CADM2: variants seen among roughly 807,000 people sequenced by gnomAD.
CADM2 encodes immunoglobulin superfamily member 4D.
In CADM2, 12 loss-of-function variants were observed where a neutral mutation model predicts 49.8. That is an observed-to-expected ratio of 0.24 (90% confidence interval 0.15 to 0.39). The LOEUF (loss-of-function observed/expected upper bound fraction) is 0.39, where lower values mean the gene tolerates loss of function less well. Ranked by LOEUF, CADM2 falls within the 10% of genes least tolerant of loss-of-function variation. CADM2 has a pLI of 1.00. For missense variants in CADM2, 378 were observed against 492.3 expected, an observed-to-expected ratio of 0.77 and a Z score of 2.20; for synonymous variants, 214 against 175.4, an observed-to-expected ratio of 1.22 and a Z score of -1.74.
At chr3:85,428,273 C>A (rs2036504490) in intron 1 of CADM2, among the ~76,000 whole-genome samples, 1 of 146,654 alleles carries the variant, frequency 6.8e-6, no homozygotes, top group African/African-American at 2.5e-5. Flanking sequence ...TCAATAATAG[C>A]TAAACTACAT....
intron 1 of CADM2, among the ~76,000 whole-genome samples, chr3:85,014,583 C>T (rs1275817203): frequency 2.6e-5 from 4 of 152,120 alleles, no homozygotes; most frequent in Non-Finnish European, 5.9e-5. Context: ...TACCCCCAAA[C>T]ATAGCAATTT....
chr3:85,699,755 C>T (rs1311157790), intron 1 of CADM2, among the ~76,000 whole-genome samples: 1 of 152,214 alleles, frequency 6.6e-6, no homozygotes, highest in Non-Finnish European at 1.5e-5. Flanking sequence ...AGGAAGATAT[C>T]CAAAATGCCT....
rs1553724946 is a variant in CADM2 at position 85,449,082 on chromosome 3, A to AAT, written c.62-277439_62-277438insTA. ...ATAATAATAATAATAATAATGATAA[A>AAT]AATTATATAATTCATTATACCATCT... On this transcript the variant is annotated intron_variant, in intron 1 of 9. Transcript: ENST00000383699. Among the ~76,000 whole-genome samples the AAT allele has an allele frequency of 9.1e-4, 103 of 112,954 alleles. 1 individual carries two copies. The highest frequency in any genetic ancestry group is 3.2e-3 in the South Asian group (12 of 3,710). 74.1% of individuals were successfully genotyped at this position (112,954 alleles called of 152,430 possible). A position where few individuals can be genotyped will look rare whatever the true frequency, so the allele number is the denominator to read the frequency against.
chr3:85,016,006 AT>A (rs1468341290), intron 1 of CADM2, among the ~76,000 whole-genome samples: 1 of 152,206 alleles, frequency 6.6e-6, no homozygotes, highest in Non-Finnish European at 1.5e-5. Context: ...TTAGTGCTTC[AT>A]TTGGAAGGAA....
intron 7 of CADM2, among the ~76,000 whole-genome samples, chr3:85,936,292 A>T (rs970651030): frequency 2.0e-5 from 3 of 151,904 alleles, no homozygotes; most frequent in African/African-American, 7.2e-5. Flanking sequence ...TATATTTCTT[A>T]TGAAACACCC....
chr3:85,145,111 G>A (rs1475119186), intron 1 of CADM2, among the ~76,000 whole-genome samples: 1 of 152,074 alleles, frequency 6.6e-6, no homozygotes, highest in Admixed American at 6.6e-5. Context: ...AAATTTTTTG[G>A]AAATATTTGA....
chr3:85,971,995 AT>A (rs1468676957), intron 8 of CADM2, among the ~76,000 whole-genome samples: 2 of 150,946 alleles, frequency 1.3e-5, no homozygotes, highest in Non-Finnish European at 3.0e-5. Flanking sequence ...TTATTCAAAT[AT>A]AATTTTTAAA....
chr3:85,119,197 A>T (rs1383025397), intron 1 of CADM2, among the ~76,000 whole-genome samples: 1 of 152,150 alleles, frequency 6.6e-6, no homozygotes, highest in Non-Finnish European at 1.5e-5. Context: ...TGATCACTTG[A>T]GCCCAGAAGT....
At chr3:85,682,164 C>A (rs566461449) in intron 1 of CADM2, among the ~76,000 whole-genome samples, 1 of 152,064 alleles carries the variant, frequency 6.6e-6, no homozygotes, top group East Asian at 1.9e-4. Flanking sequence ...GGCCTGAATA[C>A]CCTCTGACCA....
At chr3:85,542,599 A>G (rs2061573984) in intron 1 of CADM2, among the ~76,000 whole-genome samples, 1 of 152,204 alleles carries the variant, frequency 6.6e-6, no homozygotes, top group African/African-American at 2.4e-5. Context: ...AGTATTTTGA[A>G]TAGCCTATGC....
chr3:85,422,572 C>T (rs182609849), intron 1 of CADM2, among the ~76,000 whole-genome samples: 36 of 152,322 alleles, frequency 2.4e-4, no homozygotes, highest in Admixed American at 4.6e-4. Flanking sequence ...CCACCTCACC[C>T]AGCCCAGTCT....
intron 8 of CADM2, among the ~76,000 whole-genome samples, chr3:86,030,458 AT>A (rs1159617052): frequency 6.6e-6 from 1 of 151,972 alleles, no homozygotes; most frequent in Non-Finnish European, 1.5e-5. Context: ...ATATTGTAAT[AT>A]TTATGATTTA....
intron 3 of CADM2, among the ~76,000 whole-genome samples, chr3:85,881,668 C>G (rs1458197156): frequency 2.6e-5 from 4 of 152,104 alleles, no homozygotes; most frequent in Non-Finnish European, 4.4e-5. Context: ...CTGATCTCTT[C>G]TGGTCCACCG....
intron 1 of CADM2, among the ~76,000 whole-genome samples, chr3:85,445,787 C>T (rs191827703): frequency 2.0e-4 from 31 of 152,106 alleles, no homozygotes; most frequent in Middle Eastern, 6.8e-3. Flanking sequence ...GAACTGGTTG[C>T]CTTTTTAGAA....
intron 2 of CADM2, among the ~76,000 whole-genome samples, chr3:85,770,463 A>G (rs970857126): frequency 1.3e-5 from 2 of 152,002 alleles, no homozygotes; most frequent in African/African-American, 4.8e-5. Flanking sequence ...AAAGGCATGC[A>G]CTACCACCAC....
intron 1 of CADM2, among the ~76,000 whole-genome samples, chr3:84,964,309 G>T (rs2030805282): frequency 6.6e-6 from 1 of 152,156 alleles, no homozygotes; most frequent in Non-Finnish European, 1.5e-5. Flanking sequence ...TTTGAAAGTG[G>T]CCTGGAATCA....
At chr3:85,261,911 TG>T (rs2043021559) in intron 1 of CADM2, among the ~76,000 whole-genome samples, 1 of 152,156 alleles carries the variant, frequency 6.6e-6, no homozygotes, top group African/African-American at 2.4e-5. Context: ...AACTCTTGTC[TG>T]ACCCTTTATG....
intron 1 of CADM2, among the ~76,000 whole-genome samples, chr3:85,570,739 A>G (rs547709831): frequency 1.9e-3 from 291 of 152,290 alleles, no homozygotes; most frequent in African/African-American, 6.4e-3. Flanking sequence ...AGATTCTTCT[A>G]TTACAGATAG....
At chr3:85,368,967 C>A (rs181695830) in intron 1 of CADM2, among the ~76,000 whole-genome samples, 2 of 152,192 alleles carry the variant, frequency 1.3e-5, no homozygotes, top group Admixed American at 1.3e-4. Context: ...AATCAGATGA[C>A]TGTTGTACTT....
Sources: allele counts gnomAD v4.1 joint callset (sites outside exome capture counted in the v4.1 genomes callset), GRCh38; gene constraint gnomAD v4.1.1; transcripts MANE v1.5; gene names NCBI Gene and HGNC (gene_info 2026-07-23, HGNC 2026-07-21).